The following SRGAP3 variants were observed in gnomAD, a reference collection of about 807,000 sequenced individuals.
The protein encoded by SRGAP3 is SLIT-ROBO Rho GTPase activating protein 3.
A neutral mutation model predicts 121.1 loss-of-function variants in SRGAP3; 39 were observed. The observed-to-expected ratio is 0.32, with a 90% CI of 0.25 to 0.42. The LOEUF (loss-of-function observed/expected upper bound fraction) is 0.42, where lower values mean the gene tolerates loss of function less well. Among genes scored for constraint, SRGAP3 ranks in the 10% least tolerant of loss-of-function variants. The probability of loss-of-function intolerance (pLI) is 1.00; values close to 1 mark genes in which losing one functional copy is unlikely to be tolerated. For synonymous variants in SRGAP3, 601 were observed against 570.0 expected (o/e 1.05, Z -0.77); for missense variants, 1,213 against 1,470.6 (o/e 0.82, Z 2.86).
At chr3:9,167,094 G>C (rs931940304) in intron 1 of SRGAP3, among the ~76,000 whole-genome samples, 1 of 152,110 alleles carries the variant, frequency 6.6e-6, no homozygotes, top group African/African-American at 2.4e-5. Context: ...GCAGCCTTGA[G>C]AGACATGATG....
chr3:9,056,703 A>C (rs1035041511), intron 7 of SRGAP3, among the ~76,000 whole-genome samples: 7 of 152,220 alleles, frequency 4.6e-5, no homozygotes, highest in Admixed American at 3.9e-4. Context: ...AAGAGAAGCC[A>C]ATGGGAAAAA....
At chr3:9,203,364 T>G (rs1952134720) in intron 1 of SRGAP3, among the ~76,000 whole-genome samples, 1 of 152,198 alleles carries the variant, frequency 6.6e-6, no homozygotes, top group Non-Finnish European at 1.5e-5. Flanking sequence ...TGAATCAATT[T>G]CCTATCTATA....
chr3:9,230,856 C>CA (rs544760262), intron 1 of SRGAP3, among the ~76,000 whole-genome samples: 1,582 of 91,032 alleles, frequency 0.017, 11 homozygotes, highest in Non-Finnish European at 0.021. Flanking sequence ...GACCCTATCT[C>CA]AAAAAAAAAA....
At chr3:9,154,428 C>T (rs912932246) in intron 1 of SRGAP3, among the ~76,000 whole-genome samples, 3 of 151,994 alleles carry the variant, frequency 2.0e-5, no homozygotes, top group African/African-American at 4.8e-5. Flanking sequence ...GTCCACCTCG[C>T]CTCCCCCTGC....
intron 3 of SRGAP3, among the ~76,000 whole-genome samples, chr3:9,287,460 T>C (rs1290290958): frequency 1.3e-5 from 2 of 152,242 alleles, no homozygotes; most frequent in African/African-American, 4.8e-5. Context: ...TTGTTGCATA[T>C]ATAATCCTAC....
intron 3 of SRGAP3, among the ~76,000 whole-genome samples, chr3:9,085,320 A>G (rs532696686): frequency 1.3e-5 from 2 of 152,322 alleles, no homozygotes; most frequent in African/African-American, 4.8e-5. Flanking sequence ...AGCTCTGAGG[A>G]GTCATTCCAT....
chr3:9,043,399 G>A (rs1945111961), intron 10 of SRGAP3, among the ~76,000 whole-genome samples: 1 of 152,150 alleles, frequency 6.6e-6, no homozygotes, highest in Admixed American at 6.5e-5. Context: ...CCTTTCTCGT[G>A]TACCACTATC....
chr3:9,154,942 C>G (rs1270413178), intron 1 of SRGAP3, among the ~76,000 whole-genome samples: 1 of 151,360 alleles, frequency 6.6e-6, no homozygotes, highest in African/African-American at 2.4e-5. Context: ...TATAAATTTG[C>G]AACCAACATA....
At chr3:9,038,157 T>G (rs1368852866) in intron 10 of SRGAP3, 67 bp from the exon 11 acceptor site, 31 of 1,601,290 alleles carry the variant, frequency 1.9e-5, no homozygotes, top group Non-Finnish European at 2.6e-5. Flanking sequence ...CATTCATCTT[T>G]TTCTAAAAAC....
At chr3:9,322,506 G>A (rs1252342912) in intron 3 of SRGAP3, among the ~76,000 whole-genome samples, 2 of 151,844 alleles carry the variant, frequency 1.3e-5, no homozygotes, top group Non-Finnish European at 2.9e-5. Context: ...CACAGCAGGA[G>A]GTGAGTGGTG....
chr3:9,312,895 G>A (rs1955274026), intron 3 of SRGAP3, among the ~76,000 whole-genome samples: 1 of 152,204 alleles, frequency 6.6e-6, no homozygotes, highest in Non-Finnish European at 1.5e-5. Context: ...AGGAGACTGA[G>A]GCAGGGGGAT....
intron 1 of SRGAP3, among the ~76,000 whole-genome samples, chr3:9,247,060 T>G (rs1407405041): frequency 6.6e-6 from 1 of 152,186 alleles, no homozygotes; most frequent in Non-Finnish European, 1.5e-5. Flanking sequence ...TAAGCACATT[T>G]CCTACCAAGA....
rs539579778 is a variant in SRGAP3 at position 9,234,870 on chromosome 3, T to C, written c.67+14015A>G. 2.9e-4 allele frequency among the ~76,000 whole-genome samples: 44 copies of C among 152,236 alleles called. 2 individuals carry two copies. The Middle Eastern group carries it at 0.01, about 35-fold the overall frequency. ...TCTCCAGCTGCTGAAGATGAATCCT[T>C]TGCCCTAGACAAGCCTCTCCCTTTA... On this transcript the variant is annotated intron_variant, in intron 1 of 21. Transcript: ENST00000383836.
chr3:9,173,872 C>T (rs1246921870), intron 1 of SRGAP3, among the ~76,000 whole-genome samples: 1 of 152,222 alleles, frequency 6.6e-6, no homozygotes, highest in Non-Finnish European at 1.5e-5. Context: ...ACCCCCAGAG[C>T]ATGGGAACCA....
At chr3:9,237,729 G>A (rs1320797627) in intron 1 of SRGAP3, among the ~76,000 whole-genome samples, 1 of 152,198 alleles carries the variant, frequency 6.6e-6, no homozygotes, top group African/African-American at 2.4e-5. Context: ...AATGACAAGG[G>A]GAGAGTGACC....
chr3:9,309,263 G>A (rs1334841905), intron 3 of SRGAP3, among the ~76,000 whole-genome samples: 2 of 152,158 alleles, frequency 1.3e-5, no homozygotes, highest in Non-Finnish European at 2.9e-5. Flanking sequence ...GAACTAAGAG[G>A]AACAACAGAG....
In SRGAP3 at chr3:9,158,833, A is replaced by G. The variant is rs1181111288; in HGVS notation, c.68-33916T>C. Reference sequence around the variant, plus strand: ...GTAAGCTCTCACTCTAACCTGCACCATGACCCACAACTCAGGCATGGGAAG... The same window carrying G: ...GTAAGCTCTCACTCTAACCTGCACCGTGACCCACAACTCAGGCATGGGAAG... On this transcript the variant is annotated intron_variant, in intron 1 of 21. Transcript: ENST00000383836. Among the ~76,000 whole-genome samples the G allele has an allele frequency of 5.3e-5, 8 of 152,282 alleles. No individual in the cohort carries two copies. In the South Asian group the frequency reaches 8.3e-4, roughly 16 times the overall value.
chr3:9,091,425 A>T (rs995366118), intron 3 of SRGAP3, among the ~76,000 whole-genome samples: 1 of 152,106 alleles, frequency 6.6e-6, no homozygotes, highest in Non-Finnish European at 1.5e-5. Flanking sequence ...TTTCAGTCCT[A>T]AATGCCGACA....
chr3:8,997,817 AT>A (rs1416791812), intron 18 of SRGAP3, among the ~76,000 whole-genome samples: 1 of 152,140 alleles, frequency 6.6e-6, no homozygotes, highest in African/African-American at 2.4e-5. Context: ...TGATTTTTAA[AT>A]TAAGTTATAA....
Sources: gnomAD v4.1 joint callset for allele counts (sites outside exome capture counted in the v4.1 genomes callset) on GRCh38, gnomAD v4.1.1 for gene constraint, MANE v1.5 for transcripts, NCBI Gene and HGNC (gene_info 2026-07-23, HGNC 2026-07-21) for gene names.